RNF220: variants seen among roughly 807,000 people sequenced by gnomAD.
The protein encoded by RNF220 is E3 ubiquitin-protein ligase RNF220.
RNF220 carries 7 observed loss-of-function variants against 67.1 expected under a neutral mutation model. The ratio of observed to expected loss-of-function variants is 0.10; its 90% CI spans 0.06 to 0.20. The LOEUF (loss-of-function observed/expected upper bound fraction) is 0.20. Ranked by LOEUF, RNF220 falls within the 10% of genes least tolerant of loss-of-function variation. The pLI is 1.00. For missense variants in RNF220, 565 were observed against 740.3 expected (o/e 0.76, Z 2.75); for synonymous variants, 270 against 283.2 (o/e 0.95, Z 0.47).
intron 5 of RNF220, chr1:44,631,894 G>C (rs558034968): frequency 4.1e-6 from 4 of 985,902 alleles, no homozygotes; most frequent in Admixed American, 6.1e-5. Context: ...GCAGCTTCCT[G>C]GTCTCTGTCC....
chr1:44,614,412 C>T, intron 3 of RNF220, 115 bp downstream of exon 3: 1 of 1,125,746 alleles, frequency 8.9e-7, no homozygotes, highest in South Asian at 1.6e-5. Flanking sequence ...AAAGACAGGA[C>T]CCTGCCACCC....
At chr1:44,543,986 G>A (rs146091567) in intron 2 of RNF220, among the ~76,000 whole-genome samples, 4 of 152,338 alleles carry the variant, frequency 2.6e-5, no homozygotes, top group East Asian at 3.9e-4. Flanking sequence ...CCAGTTGCCC[G>A]GAACTGGTCC....
chr1:44,499,879 C>T (rs1415884603), intron 2 of RNF220, among the ~76,000 whole-genome samples: 1 of 152,206 alleles, frequency 6.6e-6, no homozygotes, highest in Non-Finnish European at 1.5e-5. Context: ...AATAGCCACT[C>T]CAGTCTTCCA....
intron 2 of RNF220, among the ~76,000 whole-genome samples, chr1:44,574,142 C>CGAAT (rs1338248515): frequency 1.3e-5 from 2 of 151,740 alleles, no homozygotes; most frequent in African/African-American, 2.4e-5. Context: ...AGTGAATGAA[C>CGAAT]GAATGAATGA....
chr1:44,636,566 G>A (rs2148485834), intron 8 of RNF220: 1 of 651,272 alleles, frequency 1.5e-6, no homozygotes, highest in East Asian at 2.8e-5. Context: ...TGGGGGCCCT[G>A]AGGGCTTCCA....
Position 44,635,607 on chromosome 1 carries a change from C to T in RNF220, c.993+19C>T, listed in dbSNP as rs544019026. The T allele has an allele frequency of 1.9e-5, 30 of 1,614,040 alleles. 1 individual carries two copies. In the Admixed American group the frequency reaches 2.5e-4, roughly 13 times the overall value. ...AGGGCAGGTATGTCCCCTGTGCAACCGCCCCCTGGCAGGATCGGAGCAGGA... is the reference window on the plus strand; with the variant it reads ...AGGGCAGGTATGTCCCCTGTGCAACTGCCCCCTGGCAGGATCGGAGCAGGA... On this transcript the variant is annotated intron_variant, in intron 7 of 14. Transcript: ENST00000361799.
chr1:44,553,851 C>T (rs909870317), intron 2 of RNF220, among the ~76,000 whole-genome samples: 2 of 152,178 alleles, frequency 1.3e-5, no homozygotes, highest in African/African-American at 4.8e-5. Flanking sequence ...GACAGGGGAG[C>T]TGTTACTACC....
chr1:44,479,143 TCTCA>T (rs1557965147), intron 2 of RNF220, among the ~76,000 whole-genome samples: 2 of 148,540 alleles, frequency 1.3e-5, no homozygotes, highest in Non-Finnish European at 3.0e-5. Context: ...TTAGACAGAG[TCTCA>T]CTCAGTCGCC....
At chr1:44,465,404 AT>A (rs1443786632) in intron 2 of RNF220, among the ~76,000 whole-genome samples, 3 of 150,748 alleles carry the variant, frequency 2.0e-5, no homozygotes, top group South Asian at 4.2e-4. Flanking sequence ...ATATAAAAAA[AT>A]GATCAACTTT....
At chr1:44,584,478 C>T (rs747642871) in intron 2 of RNF220, among the ~76,000 whole-genome samples, 23 of 152,164 alleles carry the variant, frequency 1.5e-4, no homozygotes, top group Non-Finnish European at 2.9e-4. Flanking sequence ...TGATTTTCCC[C>T]TTTTATTGCT....
intron 2 of RNF220, among the ~76,000 whole-genome samples, chr1:44,442,220 C>G (rs1651628406): frequency 6.6e-6 from 1 of 152,104 alleles, no homozygotes; most frequent in Non-Finnish European, 1.5e-5. Flanking sequence ...CTCGGCCTCC[C>G]TTCCTCAAAC....
At chr1:44,418,223 C>T (rs1648797545) in intron 2 of RNF220, among the ~76,000 whole-genome samples, 1 of 152,014 alleles carries the variant, frequency 6.6e-6, no homozygotes, top group Admixed American at 6.6e-5. Context: ...GTGGGGATGG[C>T]CACTGCGCGG....
chr1:44,582,935 G>A (rs1039498333), intron 2 of RNF220, among the ~76,000 whole-genome samples: 2 of 152,078 alleles, frequency 1.3e-5, no homozygotes, highest in Non-Finnish European at 2.9e-5. Context: ...GAACCCGGGA[G>A]GTGGAGGTTG....
Position 44,645,610 on chromosome 1 carries a change from C to T in RNF220, c.1445+122C>T. The stretch of plus-strand genomic sequence containing the variant: ...TCCCAAGTGCAGCTCAGTGCTGCTG[C>T]CCTGGGCACACGGCCGGCAGTGGAG... On this transcript the variant is annotated intron_variant, in intron 12 of 14. Transcript: ENST00000361799. The surrounding 1 kb of genome is among the most constrained non-coding windows in gnomAD (Gnocchi z 5.0). 1.0e-6 allele frequency: 1 copy of T among 958,816 alleles called. No individual in the cohort carries two copies. Among genetic ancestry groups the T allele is most frequent in the Non-Finnish European group, 1.6e-6 (1 of 625,184 alleles). The allele number at this position is 958,816 out of a possible 1,614,324, so 59.4% of individuals were successfully genotyped here.
chr1:44,477,766 G>T (rs1251820873), intron 2 of RNF220, among the ~76,000 whole-genome samples: 1 of 152,170 alleles, frequency 6.6e-6, no homozygotes, highest in Admixed American at 6.5e-5. Context: ...ACAAGTACAT[G>T]CTTGGGTCAC....
intron 2 of RNF220, among the ~76,000 whole-genome samples, chr1:44,575,947 G>A (rs1012498802): frequency 6.6e-6 from 1 of 152,178 alleles, no homozygotes; most frequent in East Asian, 1.9e-4. Flanking sequence ...TCCATAATGG[G>A]CCCTGGGACC....
chr1:44,451,644 C>T (rs148739497), intron 2 of RNF220, among the ~76,000 whole-genome samples: 19 of 151,502 alleles, frequency 1.3e-4, no homozygotes, highest in East Asian at 1.2e-3. Flanking sequence ...TTTTTTGAGA[C>T]GGAGTCTGGC....
chr1:44,547,146 G>A (rs1455638278), intron 2 of RNF220, among the ~76,000 whole-genome samples: 1 of 152,190 alleles, frequency 6.6e-6, no homozygotes, highest in Admixed American at 6.6e-5. Context: ...AGCCCTGTGA[G>A]ACAGAGCTGA....
At chr1:44,446,947 A>G (rs955234950) in intron 2 of RNF220, among the ~76,000 whole-genome samples, 4 of 152,238 alleles carry the variant, frequency 2.6e-5, no homozygotes, top group African/African-American at 4.8e-5. Flanking sequence ...GCAGCGATGC[A>G]TAATTTCTGG....
Sources: allele counts gnomAD v4.1 joint callset (sites outside exome capture counted in the v4.1 genomes callset), GRCh38; gene constraint gnomAD v4.1.1; non-coding constraint Gnocchi (gnomAD v3.1); transcripts MANE v1.5; gene names NCBI Gene and HGNC (gene_info 2026-07-23, HGNC 2026-07-21).